The following GPC5 variants were observed in gnomAD, a reference collection of about 807,000 sequenced individuals.
The protein encoded by GPC5 is glypican-5.
In GPC5, 47 loss-of-function variants were observed where a neutral mutation model predicts 53.9. The observed-to-expected ratio is 0.87, with a 90% confidence interval of 0.69 to 1.11. GPC5 has a LOEUF of 1.11. Ranked by LOEUF, GPC5 falls within the 50% of genes most tolerant of loss-of-function variation. GPC5 has a pLI of 0.00. For missense variants in GPC5, 748 were observed against 713.1 expected (o/e 1.05, Z -0.56); for synonymous variants, 286 against 263.3 (o/e 1.09, Z -0.84).
At chr13:92,496,163 C>T (rs185633412) in intron 7 of GPC5, among the ~76,000 whole-genome samples, 1 of 152,076 alleles carries the variant, frequency 6.6e-6, no homozygotes, top group East Asian at 1.9e-4. Context: ...ACTTTTACAG[C>T]TCTTTTATAA....
intron 7 of GPC5, among the ~76,000 whole-genome samples, chr13:92,233,012 C>T (rs1358717277): frequency 1.3e-5 from 2 of 152,146 alleles, no homozygotes; most frequent in Admixed American, 6.6e-5. Flanking sequence ...ATGTGAATGT[C>T]GGCCACTCTT....
intron 7 of GPC5, among the ~76,000 whole-genome samples, chr13:92,480,568 G>A (rs1436543790): frequency 2.0e-5 from 3 of 152,092 alleles, no homozygotes; most frequent in Non-Finnish European, 4.4e-5. Context: ...GTTAGAATTT[G>A]CACTTTGGAA....
intron 7 of GPC5, among the ~76,000 whole-genome samples, chr13:92,559,542 C>G (rs1284096890): frequency 6.6e-6 from 1 of 151,616 alleles, no homozygotes; most frequent in African/African-American, 2.4e-5. Context: ...AGAGCCAGCC[C>G]TCCCCTATCT....
At chr13:92,258,181 A>C (rs1250558234) in intron 7 of GPC5, among the ~76,000 whole-genome samples, 1 of 152,152 alleles carries the variant, frequency 6.6e-6, no homozygotes, top group African/African-American at 2.4e-5. Context: ...TAGAAGACAA[A>C]ATTTAATTTA....
At chr13:92,291,920 T>C (rs2042999489) in intron 7 of GPC5, among the ~76,000 whole-genome samples, 1 of 152,182 alleles carries the variant, frequency 6.6e-6, no homozygotes, top group South Asian at 2.1e-4. Context: ...AGGAAGAAAC[T>C]CTGAACACAT....
Position 91,760,354 on chromosome 13 carries a change from A to G in GPC5, c.1280+3934A>G, listed in dbSNP as rs1411594609. Among the ~76,000 whole-genome samples the G allele has an allele frequency of 5.9e-5, 9 of 152,272 alleles. No individual in the cohort carries two copies. The East Asian group carries it at 1.5e-3, about 26-fold the overall frequency. On this transcript the variant is annotated intron_variant, in intron 5 of 7. Coordinates refer to ENST00000377067, the MANE Select transcript of GPC5 (RefSeq NM_004466.6). ...TGAGAAAAAATGAAGTATAGCAGTG[A>G]TCTGTGGTGAAAAGCTCTAAGCAAT...
At chr13:91,785,793 T>C (rs555309194) in intron 5 of GPC5, among the ~76,000 whole-genome samples, 1 of 152,316 alleles carries the variant, frequency 6.6e-6, no homozygotes, top group African/African-American at 2.4e-5. Context: ...ATCTTCTAAA[T>C]ACATTCAAAG....
intron 7 of GPC5, among the ~76,000 whole-genome samples, chr13:92,851,241 C>A (rs1172781248): frequency 6.6e-6 from 1 of 152,164 alleles, no homozygotes; most frequent in Non-Finnish European, 1.5e-5. Flanking sequence ...CTGGGGATTA[C>A]TATTTGACAT....
At chr13:91,936,432 T>C (rs2039871955) in intron 6 of GPC5, among the ~76,000 whole-genome samples, 1 of 152,008 alleles carries the variant, frequency 6.6e-6, no homozygotes, top group South Asian at 2.1e-4. Context: ...GCCGTCTGAG[T>C]GCAAGAGAGG....
At position 92,841,773 on chromosome 13, in the gene GPC5, G is replaced by A. The variant is rs566404973; in HGVS notation, c.1562-24509G>A. On this transcript the variant is annotated intron_variant, in intron 7 of 7. Coordinates refer to ENST00000377067, the MANE Select transcript of GPC5 (RefSeq NM_004466.6). The stretch of plus-strand genomic sequence containing the variant: ...TTCTTGAGTTTTATATAATCTGTAA[G>A]TGCCTCCTTTCTCTACTTTTTCCTT... Among the ~76,000 whole-genome samples the A allele has an allele frequency of 3.9e-5, 6 of 152,148 alleles. No homozygotes were observed. In the South Asian group the frequency reaches 1.2e-3, roughly 32 times the overall value.
chr13:91,718,324 A>T (rs1179041409), intron 3 of GPC5, among the ~76,000 whole-genome samples: 1 of 151,390 alleles, frequency 6.6e-6, no homozygotes, highest in Non-Finnish European at 1.5e-5. Context: ...GTTAGCTAGG[A>T]TGGTCTCAAT....
intron 5 of GPC5, among the ~76,000 whole-genome samples, chr13:91,765,674 A>T (rs1018925051): frequency 2.6e-5 from 4 of 152,240 alleles, no homozygotes; most frequent in African/African-American, 4.8e-5. Context: ...ACAGGTTTTG[A>T]AATAAAAGAA....
At chr13:91,987,198 A>G (rs2040416097) in intron 6 of GPC5, among the ~76,000 whole-genome samples, 1 of 152,234 alleles carries the variant, frequency 6.6e-6, no homozygotes, top group South Asian at 2.1e-4. Context: ...CTACTGAAAA[A>G]TAATGAAGCC....
intron 2 of GPC5, among the ~76,000 whole-genome samples, chr13:91,542,514 T>C (rs950397722): frequency 6.6e-6 from 1 of 152,170 alleles, no homozygotes; most frequent in Admixed American, 6.5e-5. Flanking sequence ...TTTTCCAGTG[T>C]TAGTTTTTGC....
At chr13:92,289,605 G>A (rs9516044) in intron 7 of GPC5, among the ~76,000 whole-genome samples, 12,966 of 151,848 alleles carry the variant, frequency 0.085, 613 homozygotes, top group Middle Eastern at 0.12. Context: ...TAATAACTAT[G>A]TATCAGGAAC....
chr13:92,175,911 A>G (rs753712342), intron 7 of GPC5, among the ~76,000 whole-genome samples: 1 of 152,226 alleles, frequency 6.6e-6, no homozygotes, highest in Non-Finnish European at 1.5e-5. Flanking sequence ...AGAATCTCAG[A>G]TACAGAATCC....
At chr13:92,245,725 C>A (rs1406801825) in intron 7 of GPC5, among the ~76,000 whole-genome samples, 1 of 152,004 alleles carries the variant, frequency 6.6e-6, no homozygotes, top group Admixed American at 6.6e-5. Context: ...ATATATTTTA[C>A]TATTTATTTT....
intron 7 of GPC5, among the ~76,000 whole-genome samples, chr13:92,253,427 G>T (rs1398978873): frequency 1.0e-5 from 1 of 100,270 alleles, no homozygotes; most frequent in Non-Finnish European, 2.2e-5. Context: ...GAAATAACAG[G>T]AGTTAAAAAA....
intron 7 of GPC5, among the ~76,000 whole-genome samples, chr13:92,768,180 C>T (rs1875478274): frequency 2.6e-5 from 4 of 152,176 alleles, no homozygotes; most frequent in Admixed American, 2.6e-4. Context: ...CGTAGAATTT[C>T]AAGAACAGAT....
Sources: allele counts gnomAD v4.1 joint callset (sites outside exome capture counted in the v4.1 genomes callset), GRCh38; gene constraint gnomAD v4.1.1; transcripts MANE v1.5; gene names NCBI Gene and HGNC (gene_info 2026-07-23, HGNC 2026-07-21).